OXR1: variants seen among roughly 807,000 people sequenced by gnomAD.
OXR1 encodes oxidation resistance 1.
A neutral mutation model predicts 104.6 loss-of-function variants in OXR1; 41 were observed. The ratio of observed to expected loss-of-function variants is 0.39; its 90% CI spans 0.31 to 0.51. The LOEUF (loss-of-function observed/expected upper bound fraction) is 0.51. Among genes scored for constraint, OXR1 ranks in the 20% least tolerant of loss-of-function variants. The probability of loss-of-function intolerance (pLI) is 0.77; values close to 1 mark genes in which losing one functional copy is unlikely to be tolerated. For synonymous variants in OXR1, 348 were observed against 348.4 expected (o/e 1.00, Z 0.01); for missense variants, 955 against 1,031.9 (o/e 0.93, Z 1.02).
chr8:106,646,061 T>C (rs1824050983), intron 3 of OXR1, among the ~76,000 whole-genome samples: 1 of 152,108 alleles, frequency 6.6e-6, no homozygotes, highest in African/African-American at 2.4e-5. Flanking sequence ...ATTTAGGTTT[T>C]TCCAATATTA....
At chr8:106,350,943 T>C (rs1219577790) in intron 1 of OXR1, among the ~76,000 whole-genome samples, 2 of 152,162 alleles carry the variant, frequency 1.3e-5, no homozygotes, top group Non-Finnish European at 2.9e-5. Flanking sequence ...CAAAACAGAT[T>C]TGAAAAATTG....
intron 1 of OXR1, among the ~76,000 whole-genome samples, chr8:106,331,567 A>C (rs1814714221): frequency 1.3e-5 from 2 of 152,172 alleles, no homozygotes; most frequent in South Asian, 4.1e-4. Flanking sequence ...TACAAAAGGA[A>C]ATGTCGTAAA....
intron 2 of OXR1, among the ~76,000 whole-genome samples, chr8:106,376,404 G>A (rs1468755662): frequency 6.6e-6 from 1 of 152,138 alleles, no homozygotes; most frequent in South Asian, 2.1e-4. Context: ...AGAGAATTTT[G>A]TAGAACGAAG....
At chr8:106,487,939 G>C (rs987410708) in intron 2 of OXR1, among the ~76,000 whole-genome samples, 3 of 151,208 alleles carry the variant, frequency 2.0e-5, no homozygotes, top group African/African-American at 7.3e-5. Flanking sequence ...TATATACCCA[G>C]TAATGGGATG....
chr8:106,381,371 G>A (rs972761615), intron 2 of OXR1, among the ~76,000 whole-genome samples: 7 of 152,136 alleles, frequency 4.6e-5, no homozygotes, highest in Non-Finnish European at 8.8e-5. Flanking sequence ...TGGAATTAGG[G>A]TCAAGGAAGC....
In OXR1 at chr8:106,532,442, T is replaced by C. The variant is rs138788281; in HGVS notation, c.220+13303T>C. ...AATCTCTCTGGACTTCTGATTTTCA[T>C]GAAATTAAGGATATTACCTGGTATT... On this transcript the variant is annotated intron_variant, in intron 3 of 16. Coordinates refer to ENST00000517566, the MANE Select transcript of OXR1 (RefSeq NM_001198533.2). Among the ~76,000 whole-genome samples the C allele has an allele frequency of 5.9e-5, 9 of 152,338 alleles. No individual in the cohort carries two copies. In the East Asian group the frequency reaches 1.7e-3, roughly 29 times the overall value.
intron 2 of OXR1, among the ~76,000 whole-genome samples, chr8:106,424,552 T>C (rs965341274): frequency 1.3e-5 from 2 of 152,168 alleles, no homozygotes; most frequent in African/African-American, 2.4e-5. Context: ...AGATTGTTTC[T>C]AATTTTTCAC....
chr8:106,609,752 T>C (rs1820670718), intron 3 of OXR1, among the ~76,000 whole-genome samples: 1 of 152,104 alleles, frequency 6.6e-6, no homozygotes, highest in Non-Finnish European at 1.5e-5. Context: ...ATAGGAAATA[T>C]ACATTTCCTA....
In OXR1 at chr8:106,519,101, C is replaced by A. The variant is rs1268277290; in HGVS notation, c.182C>A (p.Pro61His). The A allele has an allele frequency of 6.4e-7, 1 of 1,551,974 alleles. No homozygotes were observed. Among genetic ancestry groups the A allele is most frequent in the Admixed American group, 2.0e-5 (1 of 50,998 alleles). ...AATGCAGCAAATACTCAGAAACATC[C>A]TTCCAGAAGGAGCGAACTGAAGAGG... ...QNNAANTQKH[P>H]SRRSELKRFY... Residue 61 changes from proline (P) to histidine (H), a missense_variant, in exon 3 of 17, where the codon CCT (proline) becomes CAT (histidine). By Grantham distance (77) the Pro-to-His change is moderately conservative. Around this residue, in one of 2 missense-constraint regions of OXR1, gnomAD observed 849 missense variants for 852.9 expected, o/e 1.00. Coordinates refer to ENST00000517566, the MANE Select transcript of OXR1 (RefSeq NM_001198533.2).
chr8:106,408,222 A>G lies in OXR1; in HGVS notation c.23+48586A>G, dbSNP rs1222947337. Among the ~76,000 whole-genome samples the G allele has an allele frequency of 2.0e-5, 3 of 152,316 alleles. No individual in the cohort carries two copies. In the East Asian group the frequency reaches 5.8e-4, roughly 29 times the overall value. On this transcript the variant is annotated intron_variant, in intron 2 of 16. Coordinates refer to ENST00000517566, the MANE Select transcript of OXR1 (RefSeq NM_001198533.2). ...GCCAAGAATGGTTCTTCTCTCTGGA[A>G]TAGTTACTTTTAGTTCTTTTAAACT...
intron 1 of OXR1, among the ~76,000 whole-genome samples, chr8:106,304,416 G>C (rs1813390570): frequency 6.6e-6 from 1 of 152,036 alleles, no homozygotes. Flanking sequence ...TGAATCCACA[G>C]ATTTAAAAAT....
At chr8:106,489,694 A>G (rs1343572465) in intron 2 of OXR1, among the ~76,000 whole-genome samples, 2 of 152,216 alleles carry the variant, frequency 1.3e-5, no homozygotes, top group Admixed American at 6.5e-5. Flanking sequence ...TTCAAAAACT[A>G]TTTCATTTTT....
intron 1 of OXR1, among the ~76,000 whole-genome samples, chr8:106,349,304 A>G (rs1208838841): frequency 6.6e-6 from 1 of 152,194 alleles, no homozygotes; most frequent in Non-Finnish European, 1.5e-5. Flanking sequence ...AACTGCCCAA[A>G]GAATTTAACT....
intron 3 of OXR1, among the ~76,000 whole-genome samples, chr8:106,622,514 T>G (rs2130852279): frequency 7.0e-6 from 1 of 143,754 alleles, no homozygotes; most frequent in South Asian, 2.2e-4. Flanking sequence ...TCCCCCGCCA[T>G]TACTCCACTC....
At chr8:106,522,434 C>A (rs975501547) in intron 3 of OXR1, among the ~76,000 whole-genome samples, 5 of 152,096 alleles carry the variant, frequency 3.3e-5, no homozygotes, top group African/African-American at 1.2e-4. Flanking sequence ...TGCATTGTTA[C>A]TGTTTATTGT....
At position 106,713,928 on chromosome 8, in the gene OXR1, T is replaced by C; in HGVS notation, c.1899T>C (p.Ile633=). ...CTGGATTTATAGTAGTAAAAAAGAT[T>C]GAGGAGTCTGAAACAATTGAGGATT... ...REPGFIVVKK[I]EESETIEDSS... is the part of the protein sequence containing the mutation. Residue 633 remains isoleucine, a synonymous_variant, in exon 11 of 17, where the codon ATT becomes ATC. Transcript: ENST00000517566. 6.3e-7 allele frequency: 1 copy of C among 1,596,112 alleles called. No homozygotes were observed. The highest frequency in any genetic ancestry group is 8.5e-7 in the Non-Finnish European group (1 of 1,174,594).
intron 3 of OXR1, among the ~76,000 whole-genome samples, chr8:106,634,928 C>T (rs1015405480): frequency 2.0e-5 from 3 of 151,898 alleles, no homozygotes; most frequent in Non-Finnish European, 4.4e-5. Flanking sequence ...TGTTAAAATG[C>T]AGTAGCTCTA....
At chr8:106,279,757 CAA>C (rs1163146205) in intron 1 of OXR1, among the ~76,000 whole-genome samples, 2 of 152,128 alleles carry the variant, frequency 1.3e-5, no homozygotes, top group African/African-American at 4.8e-5. Context: ...GAACAAAACT[CAA>C]AGTTATGATG....
chr8:106,709,370 A>G (rs1411858207), intron 9 of OXR1, among the ~76,000 whole-genome samples: 3 of 152,122 alleles, frequency 2.0e-5, no homozygotes, highest in Non-Finnish European at 4.4e-5. Flanking sequence ...TAAGACATCC[A>G]GTTGTTATTA....
Sources: gnomAD v4.1 joint callset for allele counts (sites outside exome capture counted in the v4.1 genomes callset) on GRCh38, gnomAD v4.1.1 for gene constraint, gnomAD v4.1.1 regional missense constraint, MANE v1.5 for transcripts, NCBI Gene and HGNC (gene_info 2026-07-23, HGNC 2026-07-21) for gene names.